Variants in ASIC2 observed in about 807,000 individuals in gnomAD.
The protein encoded by ASIC2 is acid sensing ion channel subunit 2.
Under a neutral mutation model 57.3 loss-of-function variants are expected in ASIC2, and 25 were observed. That is an observed-to-expected ratio of 0.44 (90% CI 0.32 to 0.61). ASIC2 has a LOEUF of 0.61. Ranked by LOEUF, ASIC2 falls within the 20% of genes least tolerant of loss-of-function variation. The pLI is 0.06. For synonymous variants in ASIC2, 319 were observed against 307.5 expected, an observed-to-expected ratio of 1.04 and a Z score of -0.39; for missense variants, 641 against 738.1, an observed-to-expected ratio of 0.87 and a Z score of 1.52.
intron 1 of ASIC2, among the ~76,000 whole-genome samples, chr17:33,405,612 TA>T: frequency 2.0e-5 from 3 of 151,712 alleles, no homozygotes; most frequent in African/African-American, 7.3e-5. Context: ...GCCTCCTGAG[TA>T]GCTGGGATTA....
intron 2 of ASIC2, among the ~76,000 whole-genome samples, chr17:33,103,056 T>C (rs755131491): frequency 3.3e-5 from 5 of 152,220 alleles, no homozygotes; most frequent in Non-Finnish European, 7.3e-5. Context: ...GTGCTGGTAT[T>C]ACAGGCCTGA....
intron 1 of ASIC2, among the ~76,000 whole-genome samples, chr17:33,332,782 T>A (rs1314092376): frequency 2.0e-5 from 3 of 152,226 alleles, no homozygotes; most frequent in Non-Finnish European, 4.4e-5. Flanking sequence ...TCCCAGCTAC[T>A]CAGGAGGCTG....
At chr17:33,515,408 GC>G (rs1914535637) in intron 1 of ASIC2, among the ~76,000 whole-genome samples, 1 of 152,168 alleles carries the variant, frequency 6.6e-6, no homozygotes, top group Non-Finnish European at 1.5e-5. Flanking sequence ...CACAGCTCTG[GC>G]ACCAAACTCA....
chr17:33,523,920 C>T (rs17191673), intron 1 of ASIC2, among the ~76,000 whole-genome samples: 89,018 of 152,044 alleles, frequency 0.59, 26,339 homozygotes, highest in African/African-American at 0.66. Context: ...TCATCCATAG[C>T]ATAGCCTCAG....
intron 1 of ASIC2, among the ~76,000 whole-genome samples, chr17:33,202,867 T>C (rs774407940): frequency 6.6e-6 from 1 of 151,450 alleles, no homozygotes; most frequent in Non-Finnish European, 1.5e-5. Context: ...CCTTCAGGAG[T>C]GGGTGGTGGA....
intron 1 of ASIC2, among the ~76,000 whole-genome samples, chr17:33,731,132 C>T (rs139275591): frequency 3.2e-3 from 491 of 152,300 alleles, no homozygotes; most frequent in Non-Finnish European, 5.6e-3. Flanking sequence ...GGCACAGGCA[C>T]CCTGTTTATA....
At chr17:33,148,311 G>T (rs1405390913) in intron 1 of ASIC2, among the ~76,000 whole-genome samples, 1 of 152,158 alleles carries the variant, frequency 6.6e-6, no homozygotes, top group African/African-American at 2.4e-5. Flanking sequence ...AACTGAATTG[G>T]GGTTCAGGAA....
At chr17:33,495,672 G>A (rs1913908482) in intron 1 of ASIC2, among the ~76,000 whole-genome samples, 1 of 152,126 alleles carries the variant, frequency 6.6e-6, no homozygotes, top group African/African-American at 2.4e-5. Context: ...TGGTGCCAAA[G>A]GCCAGGCCCC....
At chr17:33,840,860 A>T (rs1038752224) in intron 1 of ASIC2, among the ~76,000 whole-genome samples, 6 of 144,928 alleles carry the variant, frequency 4.1e-5, no homozygotes, top group Admixed American at 2.1e-4. Flanking sequence ...AACATAAAAT[A>T]ATAGAATGGC....
rs538748880 is a variant in ASIC2 at position 33,486,590 on chromosome 17, G to C, written c.556-374523C>G. Among the ~76,000 whole-genome samples the C allele has an allele frequency of 4.6e-5, 7 of 152,316 alleles. No homozygotes were observed. The South Asian group carries it at 1.5e-3, about 32-fold the overall frequency. On this transcript the variant is annotated intron_variant, in intron 1 of 9. Coordinates refer to the ASIC2 transcript ENST00000359872. ...ATTCCCCTACAGGGACAGGACTGGGGAGTGTACTGCTCCACCCTCCAAGAT... is the reference window on the plus strand; with the variant it reads ...ATTCCCCTACAGGGACAGGACTGGGCAGTGTACTGCTCCACCCTCCAAGAT...
chr17:33,291,256 CA>C, intron 1 of ASIC2, 151 bp downstream of exon 1: 1 of 1,408,740 alleles, frequency 7.1e-7, no homozygotes, highest in Non-Finnish European at 9.2e-7. Flanking sequence ...GGAGAAGACT[CA>C]GGGGACCCAA....
chr17:33,760,932 C>T (rs1048176818), intron 1 of ASIC2, among the ~76,000 whole-genome samples: 34 of 152,132 alleles, frequency 2.2e-4, no homozygotes, highest in Non-Finnish European at 3.2e-4. Context: ...AAACAAGAGG[C>T]GCTTCCTTCT....
intron 1 of ASIC2, among the ~76,000 whole-genome samples, chr17:33,224,824 C>A (rs772284232): frequency 6.6e-6 from 1 of 152,184 alleles, no homozygotes; most frequent in Non-Finnish European, 1.5e-5. Flanking sequence ...GCCCTATACC[C>A]ACTGGCCAGA....
chr17:33,152,453 A>T (rs780819645), intron 1 of ASIC2, among the ~76,000 whole-genome samples: 1 of 152,224 alleles, frequency 6.6e-6, no homozygotes, highest in African/African-American at 2.4e-5. Context: ...TCTGGCCTCA[A>T]AGGATGAAAT....
chr17:34,075,562 T>C (rs1261993528), intron 1 of ASIC2, among the ~76,000 whole-genome samples: 2 of 152,186 alleles, frequency 1.3e-5, no homozygotes, highest in Non-Finnish European at 2.9e-5. Context: ...AGTGAGGAGC[T>C]GAAAACCATT....
intron 1 of ASIC2, among the ~76,000 whole-genome samples, chr17:33,815,208 C>T (rs1286406507): frequency 6.6e-6 from 1 of 152,150 alleles, no homozygotes; most frequent in Non-Finnish European, 1.5e-5. Context: ...CTACAGAGGC[C>T]CTGCCACCTC....
intron 1 of ASIC2, among the ~76,000 whole-genome samples, chr17:33,841,886 C>T (rs1305123773): frequency 6.6e-6 from 1 of 152,172 alleles, no homozygotes; most frequent in Non-Finnish European, 1.5e-5. Flanking sequence ...CCTACATACA[C>T]AGGAGAGAGT....
At chr17:33,829,117 A>T (rs1453384537) in intron 1 of ASIC2, among the ~76,000 whole-genome samples, 1 of 152,198 alleles carries the variant, frequency 6.6e-6, no homozygotes, top group African/African-American at 2.4e-5. Context: ...CAGCCTATGC[A>T]CTGGAGAGAA....
At chr17:33,692,199 AT>A (rs2142064295) in intron 1 of ASIC2, 1 of 152,320 alleles carries the variant, frequency 6.6e-6, no homozygotes, top group South Asian at 2.1e-4. Context: ...ACCCCAAAAA[AT>A]GTTGGTTTGT....
Sources: allele counts gnomAD v4.1 joint callset (sites outside exome capture counted in the v4.1 genomes callset), GRCh38; gene constraint gnomAD v4.1.1; transcripts MANE v1.5; gene names NCBI Gene and HGNC (gene_info 2026-07-23, HGNC 2026-07-21).